Variants in RUNDC3B observed in about 807,000 individuals in gnomAD.
The protein encoded by RUNDC3B is RUN domain containing 3B, also known as RUN domain-containing protein 3B.
Under a neutral mutation model 58.4 loss-of-function variants are expected in RUNDC3B, and 33 were observed. The ratio of observed to expected loss-of-function variants is 0.56; its 90% CI spans 0.43 to 0.75. RUNDC3B has a LOEUF of 0.75. Among genes scored for constraint, RUNDC3B ranks in the 30% least tolerant of loss-of-function variants. RUNDC3B has a pLI of 0.00. For synonymous variants in RUNDC3B, 193 were observed against 195.2 expected (o/e 0.99, Z 0.10); for missense variants, 501 against 535.7 (o/e 0.94, Z 0.64).
rs550951274 is a variant in RUNDC3B at position 87,669,747 on chromosome 7, A to G, written c.238+18810A>G. On this transcript the variant is annotated intron_variant, in intron 2 of 10. Transcript: ENST00000394654. ...CTTGGGAAGCTCACTTTGGCTGTAT[A>G]TGAAATTCTTGGTTGAAGATTTTTT... is the stretch of plus-strand genomic sequence containing the variant. Among the ~76,000 whole-genome samples, 10 of 152,330 alleles carry G rather than the reference A, an allele frequency of 6.6e-5. No homozygotes were observed. The South Asian group carries it at 2.1e-3, about 32-fold the overall frequency.
intron 10 of RUNDC3B, among the ~76,000 whole-genome samples, chr7:87,824,103 A>T (rs1271905750): frequency 1.3e-5 from 2 of 152,262 alleles, no homozygotes; most frequent in Admixed American, 1.3e-4. Context: ...TACATGTGAT[A>T]ATTTGATACT....
chr7:87,633,711 T>G (rs1221978119), intron 1 of RUNDC3B, among the ~76,000 whole-genome samples: 3 of 152,190 alleles, frequency 2.0e-5, no homozygotes. Context: ...GAGTTAAGTT[T>G]AGTGAGCTTT....
intron 9 of RUNDC3B, 72 bp downstream of exon 9, chr7:87,807,591 T>C: frequency 2.7e-6 from 3 of 1,115,968 alleles, no homozygotes; most frequent in Non-Finnish European, 4.1e-6. Flanking sequence ...TCTACTTTGG[T>C]TTCTCAGTTA....
chr7:87,716,791 T>A (rs532733540), intron 4 of RUNDC3B, among the ~76,000 whole-genome samples: 2 of 152,238 alleles, frequency 1.3e-5, no homozygotes, highest in East Asian at 1.9e-4. Context: ...CAAGTAAAAT[T>A]TTTGGTATTT....
intron 6 of RUNDC3B, among the ~76,000 whole-genome samples, chr7:87,741,828 A>T (rs1832341929): frequency 6.6e-6 from 1 of 151,748 alleles, no homozygotes; most frequent in African/African-American, 2.4e-5. Flanking sequence ...AAAAACATTT[A>T]TTCATATTGC....
chr7:87,732,565 C>T (rs555603518), intron 4 of RUNDC3B, among the ~76,000 whole-genome samples: 13 of 152,224 alleles, frequency 8.5e-5, no homozygotes, highest in African/African-American at 2.2e-4. Flanking sequence ...TGCAATGCAA[C>T]GGGGCTCTCT....
chr7:87,630,610 G>C (rs1014139618), intron 1 of RUNDC3B, among the ~76,000 whole-genome samples: 1 of 151,362 alleles, frequency 6.6e-6, no homozygotes, highest in South Asian at 2.1e-4. Flanking sequence ...TTCTTGGGGG[G>C]TAACATATTT....
chr7:87,728,174 T>C, intron 4 of RUNDC3B, among the ~76,000 whole-genome samples: 1 of 152,310 alleles, frequency 6.6e-6, no homozygotes, highest in South Asian at 2.1e-4. Flanking sequence ...AAATCTGCTA[T>C]AAAATTCATA....
chr7:87,739,991 T>C (rs1832219755), intron 5 of RUNDC3B, 111 bp downstream of exon 5: 3 of 478,642 alleles, frequency 6.3e-6, no homozygotes, highest in Non-Finnish European at 1.1e-5. Flanking sequence ...GATATTGTTA[T>C]TTGATTCATG....
intron 8 of RUNDC3B, among the ~76,000 whole-genome samples, chr7:87,782,267 C>G (rs62489869): frequency 0.053 from 7,999 of 152,096 alleles, 282 homozygotes; most frequent in Non-Finnish European, 0.083. Context: ...TAAAACTGTT[C>G]GTAATAGTCT....
chr7:87,745,927 A>G (rs1832615629), intron 6 of RUNDC3B, among the ~76,000 whole-genome samples: 1 of 152,024 alleles, frequency 6.6e-6, no homozygotes, highest in Admixed American at 6.6e-5. Context: ...TCTTTTTGAT[A>G]TAGGTATTTA....
At chr7:87,754,540 C>G (rs781113286) in intron 6 of RUNDC3B, among the ~76,000 whole-genome samples, 9 of 152,050 alleles carry the variant, frequency 5.9e-5, no homozygotes, top group Non-Finnish European at 1.2e-4. Flanking sequence ...ATTAAAGAAG[C>G]AAGAACAAAT....
chr7:87,694,094 G>GT, intron 2 of RUNDC3B: 4 of 1,416,384 alleles, frequency 2.8e-6, no homozygotes, highest in Non-Finnish European at 3.7e-6. Context: ...TTTTTTGTGT[G>GT]TTTTTGTTTT....
At position 87,662,449 on chromosome 7, in the gene RUNDC3B, C is replaced by T. The variant is rs35229105; in HGVS notation, c.238+11512C>T. Among the ~76,000 whole-genome samples the T allele has an allele frequency of 8.0e-3, 1,225 of 152,190 alleles. 13 individuals are homozygous for T. Among genetic ancestry groups the T allele is most frequent in the East Asian group, 0.049 (255 of 5,178 alleles). The stretch of plus-strand genomic sequence containing the variant: ...TTTGTATACAGTGAGAGAGAGGGGT[C>T]TAGTTTCATTCTTCTGCATATGGAT... On this transcript the variant is annotated intron_variant, in intron 2 of 10. Coordinates refer to ENST00000394654, the MANE Select transcript of RUNDC3B (RefSeq NM_001134405.2).
At chr7:87,652,646 A>G (rs1302953871) in intron 2 of RUNDC3B, among the ~76,000 whole-genome samples, 1 of 147,192 alleles carries the variant, frequency 6.8e-6, no homozygotes, top group African/African-American at 2.5e-5. Flanking sequence ...ATATATATAT[A>G]GTAGGAAGTA....
chr7:87,772,258 T>A (rs555540169), intron 7 of RUNDC3B, among the ~76,000 whole-genome samples: 19 of 152,268 alleles, frequency 1.2e-4, no homozygotes, highest in African/African-American at 4.1e-4. Context: ...CTGACTTAAA[T>A]TTCTGAAATT....
chr7:87,762,359 C>T (rs939026324), intron 6 of RUNDC3B, among the ~76,000 whole-genome samples: 1 of 151,232 alleles, frequency 6.6e-6, no homozygotes, highest in African/African-American at 2.4e-5. Flanking sequence ...TGTTGTATTC[C>T]ATTTTAAATG....
At chr7:87,632,604 T>G (rs1821335300) in intron 1 of RUNDC3B, among the ~76,000 whole-genome samples, 1 of 152,192 alleles carries the variant, frequency 6.6e-6, no homozygotes, top group Non-Finnish European at 1.5e-5. Flanking sequence ...TCCCTGTATA[T>G]TCTCTATCGT....
chr7:87,787,589 A>G (rs1324270352), intron 8 of RUNDC3B, among the ~76,000 whole-genome samples: 3 of 152,188 alleles, frequency 2.0e-5, no homozygotes, highest in African/African-American at 7.2e-5. Flanking sequence ...GCAACAGAGT[A>G]CAAGTTAGTG....
Sources: allele counts gnomAD v4.1 joint callset (sites outside exome capture counted in the v4.1 genomes callset), GRCh38; gene constraint gnomAD v4.1.1; transcripts MANE v1.5; gene names NCBI Gene and HGNC (gene_info 2026-07-23, HGNC 2026-07-21).